WIPI1: variants seen among roughly 807,000 people sequenced by gnomAD.
The protein encoded by WIPI1 is WD repeat domain phosphoinositide-interacting protein 1.
Under a neutral mutation model 55.3 loss-of-function variants are expected in WIPI1, and 45 were observed. That is an observed-to-expected ratio of 0.81 (90% CI 0.64 to 1.04). The LOEUF (loss-of-function observed/expected upper bound fraction) is 1.04, where lower values mean the gene tolerates loss of function less well. Ranked by LOEUF, WIPI1 falls within the 50% of genes least tolerant of loss-of-function variation. WIPI1 has a pLI of 0.00. For missense variants in WIPI1, 445 were observed against 559.0 expected (o/e 0.80, Z 2.06); for synonymous variants, 195 against 217.6 (o/e 0.90, Z 0.92).
chr17:68,436,318 T>C, intron 5 of WIPI1, 64 bp downstream of exon 5: 1 of 1,488,020 alleles, frequency 6.7e-7, no homozygotes, highest in East Asian at 2.3e-5. Flanking sequence ...TCCTTATCTA[T>C]CTCCTTCCAT....
At chr17:68,457,036 C>T (rs1422167528) in intron 1 of WIPI1, among the ~76,000 whole-genome samples, 3 of 152,220 alleles carry the variant, frequency 2.0e-5, no homozygotes, top group Non-Finnish European at 4.4e-5. Flanking sequence ...GCTTTCCCAC[C>T]GCCCTGCTCC....
chr17:68,455,133 G>A (rs2084613635), intron 1 of WIPI1, among the ~76,000 whole-genome samples: 1 of 152,084 alleles, frequency 6.6e-6, no homozygotes, highest in Admixed American at 6.5e-5. Context: ...AGGCTGAGGT[G>A]GGTGGATCAC....
At chr17:68,455,778 A>G (rs945074962) in intron 1 of WIPI1, among the ~76,000 whole-genome samples, 4 of 152,250 alleles carry the variant, frequency 2.6e-5, no homozygotes, top group African/African-American at 9.6e-5. Context: ...TTTAATGGCT[A>G]GAGTATAAAT....
At chr17:68,426,312 T>C (rs1047598920) in intron 11 of WIPI1, 137 bp from the exon 12 acceptor site, 13 of 697,328 alleles carry the variant, frequency 1.9e-5, no homozygotes, top group Admixed American at 7.1e-5. Context: ...GGAGGTACTG[T>C]GCCTAGGACA....
In WIPI1 at chr17:68,450,901, G is replaced by A; in HGVS notation, c.164-4C>T. ...ATGTAGACGTCCGGGATTTCATCTGGGAGGAAAAGCAGCCGGGAGGTTACA... is the reference window on the plus strand; with the variant it reads ...ATGTAGACGTCCGGGATTTCATCTGAGAGGAAAAGCAGCCGGGAGGTTACA... On this transcript the variant is annotated splice_polypyrimidine_tract_variant and splice_region_variant and intron_variant, in intron 2 of 12. Coordinates refer to ENST00000262139, the MANE Select transcript of WIPI1 (RefSeq NM_017983.7). 1 of 1,610,766 alleles carries A rather than the reference G, an allele frequency of 6.2e-7. No individual in the cohort carries two copies. The highest frequency in any genetic ancestry group is 8.5e-7 in the Non-Finnish European group (1 of 1,178,554).
chr17:68,453,775 G>C (rs1213716509), intron 1 of WIPI1, among the ~76,000 whole-genome samples: 1 of 152,078 alleles, frequency 6.6e-6, no homozygotes, highest in African/African-American at 2.4e-5. Flanking sequence ...CCTGGTCTAA[G>C]AAATACACTT....
At chr17:68,433,324 A>C in intron 8 of WIPI1, 144 bp downstream of exon 8, 1 of 775,572 alleles carries the variant, frequency 1.3e-6, no homozygotes, top group South Asian at 1.9e-5. Context: ...AGTTTTGCTA[A>C]CACACACTCC....
chr17:68,445,622 C>G (rs1374242431), intron 3 of WIPI1, among the ~76,000 whole-genome samples: 1 of 152,232 alleles, frequency 6.6e-6, no homozygotes, highest in African/African-American at 2.4e-5. Flanking sequence ...CACATGAAAG[C>G]TTGTCAGGTT....
chr17:68,457,217 G>C, intron 1 of WIPI1, 125 bp downstream of exon 1: 3 of 1,165,628 alleles, frequency 2.6e-6, no homozygotes, highest in Non-Finnish European at 2.4e-6. Flanking sequence ...TGCGTCCGAA[G>C]CAGACACCGG....
At chr17:68,451,040 T>C in intron 2 of WIPI1, 143 bp from the exon 3 acceptor site, 2 of 1,192,700 alleles carry the variant, frequency 1.7e-6, no homozygotes, top group Non-Finnish European at 2.3e-6. Flanking sequence ...TGAGCTTGCA[T>C]TGACAGTGAT....
At chr17:68,437,082 C>T (rs780603460) in intron 4 of WIPI1, among the ~76,000 whole-genome samples, 26 of 151,270 alleles carry the variant, frequency 1.7e-4, no homozygotes, top group Non-Finnish European at 3.1e-4. Flanking sequence ...TCTGAAACAG[C>T]ATCTACTTTT....
intron 10 of WIPI1, chr17:68,428,240 T>TA (rs2083335677): frequency 6.6e-6 from 1 of 151,718 alleles, no homozygotes; most frequent in Non-Finnish European, 1.5e-5. Context: ...TTTTTTTTTT[T>TA]TTTATTTTGA....
chr17:68,427,174 C>T lies in WIPI1; in HGVS notation c.1153G>A (p.Val385Ile), dbSNP rs138586194. The change falls in exon 11 of 13, where the codon GTA becomes ATA. Residue 385 changes from valine to isoleucine, a missense_variant. Val to Ile is a conservative substitution (Grantham distance 29). Coordinates refer to ENST00000262139, the MANE Select transcript of WIPI1 (RefSeq NM_017983.7). ...PSLPQSYAAT[V>I]ARPSASSAST... ...GCTGAAGATGCACTTGGTCTGGCTA[C>T]GGTCGCTGCATAAGACTGAGGTAAG... 146 of 1,614,088 alleles carry T rather than the reference C, an allele frequency of 9.0e-5. 1 individual carries two copies. The East Asian group carries it at 2.1e-3, about 23-fold the overall frequency.
At chr17:68,450,649 T>A (rs2084463433) in intron 3 of WIPI1, 79 bp downstream of exon 3, 1 of 1,506,282 alleles carries the variant, frequency 6.6e-7, no homozygotes, top group South Asian at 1.3e-5. Context: ...TTACAGACAT[T>A]GATCTTGAAA....
In WIPI1 at chr17:68,450,974, C is replaced by T. The variant is rs111929427; in HGVS notation, c.164-77G>A. 1.5e-5 allele frequency: 23 copies of T among 1,517,838 alleles called. 1 individual carries two copies. The highest frequency in any genetic ancestry group is 1.1e-4 in the African/African-American group (8 of 71,386). 94.0% of individuals were successfully genotyped at this position (1,517,838 alleles called of 1,614,324 possible). On this transcript the variant is annotated intron_variant, in intron 2 of 12. Transcript: ENST00000262139. ...GATTCCAGCCTCCATGACACTGGGC[C>T]CGGCGCAGGCCAGGTTCCAAAGGTT...
intron 4 of WIPI1, among the ~76,000 whole-genome samples, chr17:68,441,507 G>A (rs913565801): frequency 3.3e-5 from 5 of 152,174 alleles, no homozygotes; most frequent in African/African-American, 9.7e-5. Flanking sequence ...AAATAAACTA[G>A]AGGATGAGAA....
At chr17:68,426,196 A>C in intron 11 of WIPI1, 21 bp from the exon 12 acceptor site, 1 of 1,522,440 alleles carries the variant, frequency 6.6e-7, no homozygotes, top group Non-Finnish European at 8.9e-7. Flanking sequence ...AGAAAGAGAC[A>C]TGAAACAAGC....
intron 8 of WIPI1, among the ~76,000 whole-genome samples, chr17:68,430,956 G>A (rs1415043680): frequency 6.6e-6 from 1 of 152,122 alleles, no homozygotes; most frequent in Non-Finnish European, 1.5e-5. Context: ...CTACCAATGG[G>A]CTAGGGGGTC....
rs779196467 is a variant in WIPI1, at chr17:68,426,138, A to T, written c.1230T>A (p.Val410=). The stretch of plus-strand genomic sequence containing the variant: ...CCGTCGCAAACTCATGTTCAGGAAT[A>T]ACTTCTCCTCGCAGCGCCCCGCCGT... The part of the protein sequence containing the change: ...SEDGGALRGE[V]IPEHEFATGP... The change falls in exon 12 of 13, where the codon GTT becomes GTA. Residue 410 remains valine, a synonymous_variant. Transcript: ENST00000262139. 1.9e-6 allele frequency: 3 copies of T among 1,611,624 alleles called. No individual in the cohort carries two copies. The South Asian group carries it at 3.3e-5, about 18-fold the overall frequency.
Sources: gnomAD v4.1 joint callset for allele counts (sites outside exome capture counted in the v4.1 genomes callset) on GRCh38, gnomAD v4.1.1 for gene constraint, MANE v1.5 for transcripts, NCBI Gene and HGNC (gene_info 2026-07-23, HGNC 2026-07-21) for gene names.